The following TMEM178B variants were observed in gnomAD, a reference collection of about 807,000 sequenced individuals.
TMEM178B encodes transmembrane protein 178B.
Under a neutral mutation model 31.0 loss-of-function variants are expected in TMEM178B, and 5 were observed. The observed-to-expected ratio is 0.16, with a 90% CI of 0.08 to 0.34. The LOEUF is 0.34. Among genes scored for constraint, TMEM178B ranks in the 10% least tolerant of loss-of-function variants. TMEM178B has a pLI of 1.00. For missense variants in TMEM178B, 275 were observed against 400.3 expected, an observed-to-expected ratio of 0.69 and a Z score of 2.67; for synonymous variants, 164 against 164.0, an observed-to-expected ratio of 1.00 and a Z score of 0.00.
chr7:141,502,768 CT>C, the TMEM178B span, among the ~76,000 whole-genome samples: 1 of 57,568 alleles, frequency 1.7e-5, no homozygotes, highest in Non-Finnish European at 4.6e-5. Flanking sequence ...GAAACTCAGT[CT>C]AAAAAAAAAA....
intron 1 of TMEM178B, among the ~76,000 whole-genome samples, chr7:141,210,779 C>A (rs1414201051): frequency 2.0e-5 from 3 of 152,014 alleles, no homozygotes; most frequent in Non-Finnish European, 4.4e-5. Context: ...CGAGTCCCTC[C>A]TATCTCGTAA....
At chr7:141,255,146 G>A (rs558417719) in intron 2 of TMEM178B, among the ~76,000 whole-genome samples, 2 of 152,234 alleles carry the variant, frequency 1.3e-5, no homozygotes, top group South Asian at 2.1e-4. Flanking sequence ...ATGATGCAAG[G>A]TCTGCCTATT....
intron 2 of TMEM178B, chr7:141,352,260 C>A (rs1054600192): frequency 6.6e-6 from 1 of 152,298 alleles, no homozygotes; most frequent in African/African-American, 2.4e-5. Context: ...AAATTGTTGA[C>A]CTCATCCAGG....
intron 1 of TMEM178B, among the ~76,000 whole-genome samples, chr7:141,114,195 G>A (rs1454131100): frequency 6.6e-6 from 1 of 152,230 alleles, no homozygotes; most frequent in African/African-American, 2.4e-5. Flanking sequence ...AGGCAGGCAG[G>A]CATCTCTGTG....
At position 141,475,343 on chromosome 7, in the gene TMEM178B, A is replaced by T. The variant is rs191178859; in HGVS notation, c.*4557A>T. ...CCCTCTTTTCATTGATGCTGCCATG[A>T]TGCAAAATGTTTCTTAAACATTATT... On this transcript the variant is annotated 3_prime_UTR_variant, in exon 4 of 4. Coordinates refer to ENST00000565468, the MANE Select transcript of TMEM178B (RefSeq NM_001195278.2). 16 of 152,352 alleles carry T rather than the reference A, an allele frequency of 1.1e-4. No individual in the cohort carries two copies. Among genetic ancestry groups the T allele is most frequent in the Admixed American group, 7.2e-4 (11 of 15,304 alleles). The allele number at this position is 152,352 out of a possible 1,614,324, so 9.4% of individuals were successfully genotyped here. A position where few individuals can be genotyped will look rare whatever the true frequency, so the allele number is the denominator to read the frequency against.
At chr7:141,382,349 A>G (rs1800333336) in intron 2 of TMEM178B, among the ~76,000 whole-genome samples, 1 of 152,198 alleles carries the variant, frequency 6.6e-6, no homozygotes, top group African/African-American at 2.4e-5. Flanking sequence ...GAAGTGCTAG[A>G]CAAAGCCTGC....
rs34217658 is a variant in TMEM178B, at chr7:141,185,836, C to T, written c.383-26755C>T. Among the ~76,000 whole-genome samples, 221 of 151,954 alleles carry T rather than the reference C, an allele frequency of 1.5e-3. 1 individual carries two copies. The highest frequency in any genetic ancestry group is 2.6e-3 in the Non-Finnish European group (174 of 67,994). On this transcript the variant is annotated intron_variant, in intron 1 of 3. Transcript: ENST00000565468. ...CCCTTCCCCCTTTCCATATCACAGT[C>T]ATGGCTTAGGCTGTTAAGATGTTGC...
At chr7:141,259,908 T>C (rs1438836408) in intron 2 of TMEM178B, among the ~76,000 whole-genome samples, 1 of 152,178 alleles carries the variant, frequency 6.6e-6, no homozygotes, top group Admixed American at 6.5e-5. Context: ...TTGTGTCTCC[T>C]CTGTCTGTGC....
At chr7:141,089,657 A>G (rs965239154) in intron 1 of TMEM178B, among the ~76,000 whole-genome samples, 2 of 152,254 alleles carry the variant, frequency 1.3e-5, no homozygotes, top group Non-Finnish European at 2.9e-5. Flanking sequence ...TGGCACATAT[A>G]CACCATGGAA....
chr7:141,228,959 A>G (rs750766275), intron 2 of TMEM178B, among the ~76,000 whole-genome samples: 5 of 147,242 alleles, frequency 3.4e-5, no homozygotes, highest in Non-Finnish European at 6.0e-5. Flanking sequence ...CTTCAGTGAG[A>G]TGGAGTCTCC....
At chr7:141,320,519 C>A (rs540175227) in intron 2 of TMEM178B, among the ~76,000 whole-genome samples, 145 of 152,290 alleles carry the variant, frequency 9.5e-4, no homozygotes, top group Non-Finnish European at 1.6e-3. Flanking sequence ...GCCTCAGTGT[C>A]TGGCCCGTCT....
At chr7:141,259,201 C>G (rs1053026509) in intron 2 of TMEM178B, among the ~76,000 whole-genome samples, 1 of 152,084 alleles carries the variant, frequency 6.6e-6, no homozygotes, top group Non-Finnish European at 1.5e-5. Context: ...TTCAAGTTTG[C>G]TTATTCTTTC....
At chr7:141,382,007 C>T (rs1403953311) in intron 2 of TMEM178B, among the ~76,000 whole-genome samples, 1 of 152,220 alleles carries the variant, frequency 6.6e-6, no homozygotes, top group African/African-American at 2.4e-5. Flanking sequence ...TAATATTTAT[C>T]TCAAATGTAA....
At chr7:141,493,656 C>T in the TMEM178B span, among the ~76,000 whole-genome samples, 1 of 152,328 alleles carries the variant, frequency 6.6e-6, no homozygotes, top group Admixed American at 6.5e-5. Flanking sequence ...CCTTCCGCTG[C>T]CCTGACGTGA....
At chr7:141,409,977 A>G (rs1800951730) in intron 2 of TMEM178B, among the ~76,000 whole-genome samples, 2 of 152,080 alleles carry the variant, frequency 1.3e-5, no homozygotes, top group Admixed American at 1.3e-4. Flanking sequence ...TCTTGGAGCC[A>G]TCTCTTTGTC....
intron 2 of TMEM178B, among the ~76,000 whole-genome samples, chr7:141,391,793 T>C (rs1800547523): frequency 6.6e-6 from 1 of 152,194 alleles, no homozygotes. Flanking sequence ...TGTTATTTTG[T>C]GAGTGGCTCA....
At chr7:141,291,918 T>G in intron 2 of TMEM178B, among the ~76,000 whole-genome samples, 1 of 122,786 alleles carries the variant, frequency 8.1e-6, no homozygotes, top group East Asian at 2.5e-4. Context: ...GTGTATGTCA[T>G]AGAGATCATT....
intron 1 of TMEM178B, among the ~76,000 whole-genome samples, chr7:141,134,297 AG>A (rs911161561): frequency 1.3e-5 from 2 of 152,234 alleles, no homozygotes; most frequent in East Asian, 1.9e-4. Context: ...ATGTGCAGAA[AG>A]GGGGGAAAAA....
intron 2 of TMEM178B, among the ~76,000 whole-genome samples, chr7:141,253,913 G>A (rs1383121432): frequency 6.6e-6 from 1 of 152,108 alleles, no homozygotes; most frequent in Non-Finnish European, 1.5e-5. Context: ...CCTTTGTTAG[G>A]ACCCCCTACA....
Sources: gnomAD v4.1 joint callset for allele counts (sites outside exome capture counted in the v4.1 genomes callset) on GRCh38, gnomAD v4.1.1 for gene constraint, MANE v1.5 for transcripts, NCBI Gene and HGNC (gene_info 2026-07-23, HGNC 2026-07-21) for gene names.